The following ARMC3 variants were observed in gnomAD, a reference collection of about 807,000 sequenced individuals.
ARMC3 encodes armadillo repeat containing 3, also known as armadillo repeat-containing protein 3.
In ARMC3, 74 loss-of-function variants were observed where a neutral mutation model predicts 90.3. The ratio of observed to expected loss-of-function variants is 0.82; its 90% CI spans 0.68 to 0.99. The LOEUF is 0.99. Among genes scored for constraint, ARMC3 ranks in the 50% least tolerant of loss-of-function variants. The pLI is 0.00. For synonymous variants in ARMC3, 334 were observed against 361.8 expected, an observed-to-expected ratio of 0.92 and a Z score of 0.87; for missense variants, 958 against 1,042.8, an observed-to-expected ratio of 0.92 and a Z score of 1.12.
chr10:22,952,470 C>T (rs1834772640), intron 3 of ARMC3, among the ~76,000 whole-genome samples: 1 of 152,066 alleles, frequency 6.6e-6, no homozygotes, highest in Admixed American at 6.5e-5. Context: ...ACATAAATTT[C>T]CAAGCTCACT....
At chr10:23,030,913 T>C in intron 17 of ARMC3, 117 bp downstream of exon 17, 1 of 1,108,096 alleles carries the variant, frequency 9.0e-7, no homozygotes, top group Non-Finnish European at 1.3e-6. Context: ...TACAGCACTC[T>C]GACTCTGACA....
chr10:22,968,629 G>C (rs779268489), intron 8 of ARMC3, 140 bp downstream of exon 8: 19 of 733,980 alleles, frequency 2.6e-5, no homozygotes, highest in Non-Finnish European at 3.9e-5. Flanking sequence ...AGCCTTCCTA[G>C]TAGCTGGGAC....
chr10:22,993,409 G>A (rs1289054114), intron 10 of ARMC3, among the ~76,000 whole-genome samples: 3 of 152,174 alleles, frequency 2.0e-5, no homozygotes, highest in Admixed American at 6.5e-5. Context: ...AGAAGCATGA[G>A]GGCAGGGAGG....
chr10:23,024,391 C>CATATAGATAGAT (rs747069779), intron 16 of ARMC3, among the ~76,000 whole-genome samples: 12 of 134,546 alleles, frequency 8.9e-5, no homozygotes, highest in South Asian at 2.5e-4. Context: ...AGAGGAATGC[C>CATATAGATAGAT]ACATAGATAG....
chr10:22,986,031 A>G (rs1339570999), intron 10 of ARMC3, among the ~76,000 whole-genome samples: 1 of 149,094 alleles, frequency 6.7e-6, no homozygotes, highest in Non-Finnish European at 1.5e-5. Context: ...TACCCTTATC[A>G]TTTTCTAACA....
At chr10:23,014,218 G>T in intron 16 of ARMC3, 1 of 1,533,638 alleles carries the variant, frequency 6.5e-7, no homozygotes, top group Non-Finnish European at 8.8e-7. Context: ...CTTCTGAATT[G>T]TAAATGAAAA....
At position 23,003,749 on chromosome 10, in the gene ARMC3, C is replaced by G. The variant is rs191146398; in HGVS notation, c.1731+335C>G. On this transcript the variant is annotated intron_variant, in intron 13 of 18. Coordinates refer to ENST00000298032, the MANE Select transcript of ARMC3 (RefSeq NM_173081.5). ...CTGAAGCAGGAGGATTGCTTGAGAC[C>G]AAGAGCCCAGGAGTTTGAGGCTAGA... Among the ~76,000 whole-genome samples, 545 of 152,070 alleles carry G rather than the reference C, an allele frequency of 3.6e-3. 5 individuals carry two copies. Among genetic ancestry groups the G allele is most frequent in the Non-Finnish European group, 5.4e-3 (370 of 67,994 alleles).
chr10:22,978,574 C>A (rs1451631012), intron 8 of ARMC3, among the ~76,000 whole-genome samples: 1 of 152,186 alleles, frequency 6.6e-6, no homozygotes, highest in African/African-American at 2.4e-5. Flanking sequence ...CTCCTGCCTG[C>A]TTTGACCTCT....
At position 22,959,434 on chromosome 10, in the gene ARMC3, C is replaced by T. The variant is rs936110263; in HGVS notation, c.397C>T (p.Leu133=). ...TATCCATGAGTTTGCTAGTCTTTGTCTAGCAAACATGTCTGCAGAGTACAC... is the reference window on the plus strand; with the variant it reads ...TATCCATGAGTTTGCTAGTCTTTGTTTAGCAAACATGTCTGCAGAGTACAC... ...VVIHEFASLC[L]ANMSAEYTSK... The change falls in exon 6 of 19, where the codon CTA becomes TTA. Residue 133 remains leucine (L), a synonymous_variant. Coordinates refer to ENST00000298032, the MANE Select transcript of ARMC3 (RefSeq NM_173081.5). 1 of 1,608,012 alleles carries T rather than the reference C, an allele frequency of 6.2e-7. No individual in the cohort carries two copies.
chr10:22,981,490 AG>A lies in ARMC3; in HGVS notation c.1069+1del, dbSNP rs1291284286. 8 of 1,613,470 alleles carry A rather than the reference AG, an allele frequency of 5.0e-6. No homozygotes were observed. Among genetic ancestry groups the A allele is most frequent in the Non-Finnish European group, 6.8e-6 (8 of 1,179,838 alleles). Reference protein sequence around the residue: ...NSGSKDFFNNQGIPQLIQLLK... With the variant: ...NSGSKDFFNNXGIPQLIQLLK... ...GGCAGCAAAGATTTTTTCAATAATCAGGGTAAGTCAACTGGAAACAATTCTT... is the reference window on the plus strand; with the variant it reads ...GGCAGCAAAGATTTTTTCAATAATCAGGTAAGTCAACTGGAAACAATTCTT... On this transcript the variant is annotated frameshift_variant and splice_region_variant, in exon 9 of 19. Transcript: ENST00000298032. LOFTEE classifies it high-confidence loss of function.
intron 18 of ARMC3, among the ~76,000 whole-genome samples, chr10:23,034,501 A>G (rs1291707416): frequency 6.6e-6 from 1 of 152,186 alleles, no homozygotes; most frequent in African/African-American, 2.4e-5. Context: ...TCAACCATAG[A>G]TGGAGCTGAA....
chr10:22,947,667 A>T (rs1325667908), intron 3 of ARMC3, among the ~76,000 whole-genome samples: 2 of 152,214 alleles, frequency 1.3e-5, no homozygotes, highest in South Asian at 2.1e-4. Context: ...TTTGTTAATA[A>T]CAGTGTCTTC....
At chr10:22,971,396 TA>T (rs1835678077) in intron 8 of ARMC3, among the ~76,000 whole-genome samples, 1 of 152,062 alleles carries the variant, frequency 6.6e-6, no homozygotes, top group Non-Finnish European at 1.5e-5. Flanking sequence ...TTTGGATATA[TA>T]CCTAGAAGTG....
intron 8 of ARMC3, among the ~76,000 whole-genome samples, chr10:22,973,749 C>CTTT (rs1176167314): frequency 9.1e-6 from 1 of 109,658 alleles, no homozygotes; most frequent in Non-Finnish European, 1.9e-5. Flanking sequence ...TTTTCTTTGT[C>CTTT]TTTCTTTTTT....
Position 22,959,522 on chromosome 10 carries a change from C to T in ARMC3, c.485C>T (p.Pro162Leu), listed in dbSNP as rs1375545062. ...CCACTCATCAGACTACTGAGTAGCCCTGACCCGGATGTAAAGAAGAACTCT... is the reference window on the plus strand; with the variant it reads ...CCACTCATCAGACTACTGAGTAGCCTTGACCCGGATGTAAAGAAGAACTCT... ...LEPLIRLLSS[P>L]DPDVKKNSME... is the part of the protein sequence containing the mutation. The change falls in exon 6 of 19, where the codon CCT (proline) becomes CTT (leucine). Residue 162 changes from proline to leucine, a missense_variant. Pro to Leu is a moderately conservative substitution (Grantham distance 98). Coordinates refer to ENST00000298032, the MANE Select transcript of ARMC3 (RefSeq NM_173081.5). 6.2e-7 allele frequency: 1 copy of T among 1,612,386 alleles called. No individual in the cohort carries two copies. Among genetic ancestry groups the T allele is most frequent in the East Asian group, 2.2e-5 (1 of 44,844 alleles).
At chr10:22,993,429 A>G (rs1188811495) in intron 10 of ARMC3, among the ~76,000 whole-genome samples, 1 of 152,220 alleles carries the variant, frequency 6.6e-6, no homozygotes. Flanking sequence ...GAAATGAACC[A>G]ATTTCAAGAG....
chr10:22,948,389 C>T (rs1426208530), intron 3 of ARMC3, among the ~76,000 whole-genome samples: 4 of 151,816 alleles, frequency 2.6e-5, no homozygotes, highest in Non-Finnish European at 5.9e-5. Flanking sequence ...GCATGTATTT[C>T]ATATGAAATC....
In ARMC3 at chr10:22,961,864, T is replaced by A. The variant is rs746733675; in HGVS notation, c.538-20T>A. 6.5e-7 allele frequency: 1 copy of A among 1,548,572 alleles called. No homozygotes were observed. Among genetic ancestry groups the A allele is most frequent in the Admixed American group, 2.2e-5 (1 of 46,448 alleles). On this transcript the variant is annotated intron_variant, in intron 6 of 18. Coordinates refer to ENST00000298032, the MANE Select transcript of ARMC3 (RefSeq NM_173081.5). ...GTATTTTGCTTAAAAAAATTATTGATCATCTGTATTTTGTGGCAGGATTTT... is the reference window on the plus strand; with the variant it reads ...GTATTTTGCTTAAAAAAATTATTGAACATCTGTATTTTGTGGCAGGATTTT...
chr10:22,946,212 G>A lies in ARMC3; in HGVS notation c.117G>A (p.Glu39=), dbSNP rs1178170345. 2 of 1,612,896 alleles carry A rather than the reference G, an allele frequency of 1.2e-6. No individual in the cohort carries two copies. Among genetic ancestry groups the A allele is most frequent in the Non-Finnish European group, 8.5e-7 (1 of 1,179,542 alleles). ...TGTTAATGCTTAATTCTCCAGAAGA[G>A]GAAATTTTGGCTAAAGCATGTGAAG... The part of the protein sequence containing the change: ...TVVLMLNSPE[E]EILAKACEAI... The change falls in exon 3 of 19, where the codon GAG becomes GAA. Residue 39 remains glutamate, a synonymous_variant. Coordinates refer to ENST00000298032, the MANE Select transcript of ARMC3 (RefSeq NM_173081.5).
Sources: gnomAD v4.1 joint callset for allele counts (sites outside exome capture counted in the v4.1 genomes callset) on GRCh38, gnomAD v4.1.1 for gene constraint, MANE v1.5 for transcripts, NCBI Gene and HGNC (gene_info 2026-07-23, HGNC 2026-07-21) for gene names.